SPATA17: variants seen among roughly 807,000 people sequenced by gnomAD.
SPATA17 encodes the protein spermatogenesis associated 17, also known as spermatogenesis-associated protein 17.
SPATA17 carries 53 observed loss-of-function variants against 62.2 expected under a neutral mutation model. That is an observed-to-expected ratio of 0.85 (90% CI 0.68 to 1.07). The LOEUF (loss-of-function observed/expected upper bound fraction) is 1.07, where lower values mean the gene tolerates loss of function less well. Among genes scored for constraint, SPATA17 ranks in the 50% least tolerant of loss-of-function variants. SPATA17 has a pLI of 0.00. For missense variants in SPATA17, 466 were observed against 425.5 expected, an observed-to-expected ratio of 1.10 and a Z score of -0.84; for synonymous variants, 146 against 146.8, an observed-to-expected ratio of 0.99 and a Z score of 0.04.
At chr1:217,677,640 T>TTTA (rs1437530717) in intron 4 of SPATA17, among the ~76,000 whole-genome samples, 1 of 152,124 alleles carries the variant, frequency 6.6e-6, no homozygotes, top group East Asian at 1.9e-4. Flanking sequence ...ACACCAAGCT[T>TTTA]TTACCTGATG....
At chr1:217,812,929 G>A (rs1674628656) in intron 9 of SPATA17, among the ~76,000 whole-genome samples, 1 of 152,102 alleles carries the variant, frequency 6.6e-6, no homozygotes, top group African/African-American at 2.4e-5. Flanking sequence ...TTTCAAGATG[G>A]TTCATGTTGA....
At chr1:217,776,753 A>G (rs1172483161) in intron 7 of SPATA17, among the ~76,000 whole-genome samples, 1 of 150,552 alleles carries the variant, frequency 6.6e-6, no homozygotes, top group Non-Finnish European at 1.5e-5. Context: ...TGGGGATAGG[A>G]GGGCAGTGAG....
At chr1:217,752,748 T>C (rs1208739213) in intron 6 of SPATA17, among the ~76,000 whole-genome samples, 1 of 152,154 alleles carries the variant, frequency 6.6e-6, no homozygotes, top group African/African-American at 2.4e-5. Flanking sequence ...TTCGGCTGTG[T>C]GCATTTTAAA....
Position 217,774,423 on chromosome 1 carries a change from A to G in SPATA17, c.609A>G (p.Arg203=). The G allele has an allele frequency of 1.2e-6, 2 of 1,614,112 alleles. No individual in the cohort carries two copies. The highest frequency in any genetic ancestry group is 8.5e-7 in the Non-Finnish European group (1 of 1,179,988). Residue 203 remains arginine, a synonymous_variant, in exon 7 of 11, where the codon AGA becomes AGG. Transcript: ENST00000366933. ...LQKAKPLTHR[R]PKVKQKDSTS... ...AGGCAAAGCCTTTAACACACCGAAGACCTAAAGTTAAGCAGAAGGACTCCA... is the reference window on the plus strand; with the variant it reads ...AGGCAAAGCCTTTAACACACCGAAGGCCTAAAGTTAAGCAGAAGGACTCCA...
chr1:217,790,703 C>T (rs1396780870), intron 8 of SPATA17, among the ~76,000 whole-genome samples: 2 of 152,200 alleles, frequency 1.3e-5, no homozygotes, highest in African/African-American at 2.4e-5. Flanking sequence ...GCTGGGATTA[C>T]AGGCGTGAGC....
chr1:217,856,764 G>A (rs965558543), intron 9 of SPATA17, among the ~76,000 whole-genome samples: 11 of 152,174 alleles, frequency 7.2e-5, no homozygotes, highest in African/African-American at 2.7e-4. Flanking sequence ...AACTGTAACA[G>A]TTTCCTGTAT....
intron 5 of SPATA17, among the ~76,000 whole-genome samples, chr1:217,707,117 A>C (rs1214031826): frequency 6.6e-6 from 1 of 152,002 alleles, no homozygotes; most frequent in Non-Finnish European, 1.5e-5. Context: ...GGCCCACCTC[A>C]GCCTCCCAAA....
At chr1:217,658,271 C>T (rs974507807) in intron 3 of SPATA17, among the ~76,000 whole-genome samples, 6 of 152,078 alleles carry the variant, frequency 3.9e-5, no homozygotes, top group Non-Finnish European at 5.9e-5. Flanking sequence ...AGTGAGTTCT[C>T]GTGTTAATTC....
At chr1:217,684,627 G>A (rs1671174463) in intron 5 of SPATA17, among the ~76,000 whole-genome samples, 1 of 152,058 alleles carries the variant, frequency 6.6e-6, no homozygotes, top group Admixed American at 6.6e-5. Context: ...TGTTGGCCAG[G>A]CTGGTCTTGA....
chr1:217,771,203 A>G (rs542712146), intron 6 of SPATA17, among the ~76,000 whole-genome samples: 42 of 151,394 alleles, frequency 2.8e-4, no homozygotes, highest in Admixed American at 7.9e-4. Context: ...AGTACTGCAA[A>G]TAACTCAGTT....
At chr1:217,697,103 G>A (rs1289335734) in intron 5 of SPATA17, among the ~76,000 whole-genome samples, 1 of 152,116 alleles carries the variant, frequency 6.6e-6, no homozygotes, top group Non-Finnish European at 1.5e-5. Flanking sequence ...CTGCCTCCTG[G>A]GTTCAAGTGA....
At chr1:217,755,923 G>T (rs1345314245) in intron 6 of SPATA17, among the ~76,000 whole-genome samples, 1 of 151,800 alleles carries the variant, frequency 6.6e-6, no homozygotes, top group East Asian at 1.9e-4. Flanking sequence ...TAAAATTTTT[G>T]AGTTTTCCTT....
intron 9 of SPATA17, among the ~76,000 whole-genome samples, chr1:217,846,418 G>A (rs1257470900): frequency 6.6e-6 from 1 of 151,922 alleles, no homozygotes; most frequent in Non-Finnish European, 1.5e-5. Context: ...GTCTTTTCCT[G>A]TCTTAAGTGA....
At chr1:217,818,135 T>C (rs900080398) in intron 9 of SPATA17, among the ~76,000 whole-genome samples, 2 of 152,086 alleles carry the variant, frequency 1.3e-5, no homozygotes, top group African/African-American at 4.8e-5. Context: ...GCCAGTATTT[T>C]ATTATTCTTA....
intron 4 of SPATA17, among the ~76,000 whole-genome samples, chr1:217,670,680 G>A (rs1670811752): frequency 6.6e-6 from 1 of 152,144 alleles, no homozygotes; most frequent in African/African-American, 2.4e-5. Flanking sequence ...GCCGGGTATG[G>A]TGGCTCACGC....
intron 9 of SPATA17, among the ~76,000 whole-genome samples, chr1:217,816,054 G>T (rs1450003847): frequency 1.3e-5 from 2 of 151,538 alleles, no homozygotes; most frequent in Admixed American, 6.6e-5. Flanking sequence ...ATTAACACTG[G>T]TTATTCTCAG....
At chr1:217,780,131 T>C (rs1277203193) in intron 7 of SPATA17, among the ~76,000 whole-genome samples, 4 of 152,082 alleles carry the variant, frequency 2.6e-5, no homozygotes, top group African/African-American at 4.8e-5. Flanking sequence ...TATAGATATA[T>C]ATTTACAAAA....
At chr1:217,726,187 G>T (rs1371385455) in intron 5 of SPATA17, among the ~76,000 whole-genome samples, 1 of 152,110 alleles carries the variant, frequency 6.6e-6, no homozygotes, top group South Asian at 2.1e-4. Context: ...GGAGAAATGG[G>T]CAGCTGTGCT....
Position 217,839,503 on chromosome 1 carries a change from G to T in SPATA17, c.1006-23271G>T, listed in dbSNP as rs566718059. ...ATTTTTAATGCTGTTTCTGTAATTG[G>T]TTTTTTCCCTAAAGCTTAGACTGTT... On this transcript the variant is annotated intron_variant, in intron 9 of 10. Transcript: ENST00000366933. Among the ~76,000 whole-genome samples the T allele has an allele frequency of 2.1e-3, 321 of 151,916 alleles. 4 individuals are homozygous for T. Among genetic ancestry groups the T allele is most frequent in the South Asian group, 0.018 (88 of 4,794 alleles).
Sources: gnomAD v4.1 joint callset for allele counts (sites outside exome capture counted in the v4.1 genomes callset) on GRCh38, gnomAD v4.1.1 for gene constraint, MANE v1.5 for transcripts, NCBI Gene and HGNC (gene_info 2026-07-23, HGNC 2026-07-21) for gene names.